Variants in NOM1 observed in about 807,000 individuals in gnomAD.
The protein encoded by NOM1 is nucleolar MIF4G domain-containing protein 1.
In NOM1, 58 loss-of-function variants were observed where a neutral mutation model predicts 73.3. That is an observed-to-expected ratio of 0.79 (90% CI 0.64 to 0.99). NOM1 has a LOEUF of 0.99. Ranked by LOEUF, NOM1 falls within the 50% of genes least tolerant of loss-of-function variation. The pLI is 0.00. For missense variants in NOM1, 1,226 were observed against 1,131.9 expected, an observed-to-expected ratio of 1.08 and a Z score of -1.19; for synonymous variants, 487 against 446.8, an observed-to-expected ratio of 1.09 and a Z score of -1.14.
At position 156,949,915 on chromosome 7, in the gene NOM1, G is replaced by A. The variant is rs1249692820; in HGVS notation, c.178G>A (p.Glu60Lys). 1 of 1,540,934 alleles carries A rather than the reference G, an allele frequency of 6.5e-7. No individual in the cohort carries two copies. Among genetic ancestry groups the A allele is most frequent in the East Asian group, 2.5e-5 (1 of 40,788 alleles). The change falls in exon 1 of 11, where the codon GAG (glutamate) becomes AAG (lysine). Residue 60 changes from glutamate to lysine, a missense_variant. Physicochemically the swap from Glu to Lys is moderately conservative, Grantham distance 56. Coordinates refer to ENST00000275820, the MANE Select transcript of NOM1 (RefSeq NM_138400.2). Reference protein sequence around the residue: ...EEFVHATSEGEAPGGCEGRGA... With the variant: ...EEFVHATSEGKAPGGCEGRGA... The stretch of plus-strand genomic sequence containing the variant: ...GTTCGTGCACGCGACTTCGGAAGGC[G>A]AGGCTCCCGGGGGTTGCGAGGGGCG...
At chr7:156,953,138 T>TTGAGA (rs1468037002) in intron 2 of NOM1, among the ~76,000 whole-genome samples, 1 of 148,222 alleles carries the variant, frequency 6.7e-6, no homozygotes, top group Non-Finnish European at 1.5e-5. Context: ...TTGTTTTGTT[T>TTGAGA]TGAGATGGAG....
At chr7:156,966,748 T>G (rs1311486034) in intron 8 of NOM1, among the ~76,000 whole-genome samples, 4 of 151,756 alleles carry the variant, frequency 2.6e-5, no homozygotes, top group African/African-American at 9.7e-5. Flanking sequence ...ATCTGCTGAT[T>G]TGGGGGGAAG....
At chr7:156,957,644 A>G (rs1450698429) in intron 3 of NOM1, among the ~76,000 whole-genome samples, 2 of 152,004 alleles carry the variant, frequency 1.3e-5, no homozygotes, top group Admixed American at 6.6e-5. Context: ...GCATGGTGGC[A>G]GGTGCCTATA....
chr7:156,956,098 C>T (rs1360444347), intron 3 of NOM1, among the ~76,000 whole-genome samples: 1 of 151,628 alleles, frequency 6.6e-6, no homozygotes, highest in African/African-American at 2.4e-5. Context: ...GAGACTGAGG[C>T]AGGAGAATGG....
rs566943647 is a variant in NOM1, at chr7:156,969,179, C to G, written c.2391C>G (p.Leu797=). Reference sequence around the variant, plus strand: ...TAATGGAAACAGAAGTTGAAGACCTCAGTTTAATTTTCACAAGGTATGTGC... The same window carrying G: ...TAATGGAAACAGAAGTTGAAGACCTGAGTTTAATTTTCACAAGGTATGTGC... ...ILLMETEVED[L]SLIFTRVSDN... Residue 797 remains leucine (L), a synonymous_variant, in exon 10 of 11, where the codon CTC becomes CTG. Transcript: ENST00000275820. 3.7e-5 allele frequency: 58 copies of G among 1,558,640 alleles called. No individual in the cohort carries two copies. In the South Asian group the frequency reaches 6.2e-4, roughly 17 times the overall value.
chr7:156,966,268 A>G lies in NOM1; in HGVS notation c.2034-2A>G, dbSNP rs1804992711. ...TCCAGTCATTGCTGTTCTGTTTTCTAGGCTTGGACTTAAGGATCAGCAGGA... is the reference window on the plus strand; with the variant it reads ...TCCAGTCATTGCTGTTCTGTTTTCTGGGCTTGGACTTAAGGATCAGCAGGA... On this transcript the variant is annotated splice_acceptor_variant, in intron 7 of 10. Coordinates refer to ENST00000275820, the MANE Select transcript of NOM1 (RefSeq NM_138400.2). LOFTEE classifies it high-confidence loss of function. The G allele has an allele frequency of 8.7e-6, 14 of 1,613,594 alleles. No homozygotes were observed. Among genetic ancestry groups the G allele is most frequent in the Non-Finnish European group, 1.1e-5 (13 of 1,179,994 alleles).
chr7:156,954,029 T>C, intron 2 of NOM1, 74 bp from the exon 3 acceptor site: 1 of 1,339,212 alleles, frequency 7.5e-7, no homozygotes, highest in Non-Finnish European at 1.0e-6. Context: ...GGATAACTCT[T>C]TAATTTTTTA....
intron 3 of NOM1, 73 bp downstream of exon 3, chr7:156,954,371 T>C (rs1804667684): frequency 7.8e-7 from 1 of 1,287,984 alleles, no homozygotes; most frequent in African/African-American, 1.5e-5. Flanking sequence ...GCTTGATAAG[T>C]GCGTAATTGT....
At chr7:156,952,169 C>T (rs1467001969) in intron 1 of NOM1, among the ~76,000 whole-genome samples, 1 of 152,164 alleles carries the variant, frequency 6.6e-6, no homozygotes, top group African/African-American at 2.4e-5. Flanking sequence ...GTAGATAGGG[C>T]TCTGTTGGAG....
Position 156,969,812 on chromosome 7 carries a change from G to A in NOM1, c.*109G>A, listed in dbSNP as rs1805099318. 9.8e-7 allele frequency: 1 copy of A among 1,015,714 alleles called. No homozygotes were observed. Among genetic ancestry groups the A allele is most frequent in the African/African-American group, 1.6e-5 (1 of 61,126 alleles). 62.9% of individuals were successfully genotyped at this position (1,015,714 alleles called of 1,614,324 possible). On this transcript the variant is annotated 3_prime_UTR_variant, in exon 11 of 11. Coordinates refer to ENST00000275820, the MANE Select transcript of NOM1 (RefSeq NM_138400.2). ...GAATGTTTGGTAGAGCTATATCATT[G>A]TCTGTTAATGTATTATATTTTGAGA...
rs1189118656 is a variant in NOM1 at position 156,971,122 on chromosome 7, C to T, written c.*1419C>T. The T allele has an allele frequency of 6.6e-6, 1 of 152,190 alleles. No individual in the cohort carries two copies. Among genetic ancestry groups the T allele is most frequent in the African/African-American group, 2.4e-5 (1 of 41,460 alleles). The allele number at this position is 152,190 out of a possible 1,614,324, so 9.4% of individuals were successfully genotyped here. On this transcript the variant is annotated 3_prime_UTR_variant, in exon 11 of 11. Coordinates refer to ENST00000275820, the MANE Select transcript of NOM1 (RefSeq NM_138400.2). ...TAGATAACAGCATGTATTGCAGATA[C>T]CCAAATGTTTATTGTTTTCTCAGCC...
rs1227486906 is a variant in NOM1, at chr7:156,950,743, C to T, written c.987+19C>T. 1 of 1,531,364 alleles carries T rather than the reference C, an allele frequency of 6.5e-7. No homozygotes were observed. Among genetic ancestry groups the T allele is most frequent in the South Asian group, 1.2e-5 (1 of 82,412 alleles). The allele number at this position is 1,531,364 out of a possible 1,614,324, so 94.9% of individuals were successfully genotyped here. ...GGATAAGGTATCGTGTGAACACTCT[C>T]TAGGCCCTCTGGGATTTCCTTCAAA... On this transcript the variant is annotated intron_variant, in intron 1 of 10. Coordinates refer to ENST00000275820, the MANE Select transcript of NOM1 (RefSeq NM_138400.2).
At chr7:156,960,413 G>A (rs537926161) in intron 4 of NOM1, among the ~76,000 whole-genome samples, 4 of 152,080 alleles carry the variant, frequency 2.6e-5, no homozygotes, top group Admixed American at 6.6e-5. Context: ...AATGCTTACC[G>A]AGGAGGCCAC....
Position 156,967,104 on chromosome 7 carries a change from G to A in NOM1, c.2298+12G>A, listed in dbSNP as rs374129394. ...TTTCCATCTTAAAGGTTCGTGTAACGTGTGAAAATATTGAAAGCAATGGAA... is the reference window on the plus strand; with the variant it reads ...TTTCCATCTTAAAGGTTCGTGTAACATGTGAAAATATTGAAAGCAATGGAA... On this transcript the variant is annotated intron_variant, in intron 9 of 10. Transcript: ENST00000275820. 286 of 1,608,910 alleles carry A rather than the reference G, an allele frequency of 1.8e-4. 1 individual carries two copies. Among genetic ancestry groups the A allele is most frequent in the African/African-American group, 2.5e-4 (19 of 74,722 alleles).
intron 7 of NOM1, among the ~76,000 whole-genome samples, chr7:156,964,893 T>C: frequency 6.6e-6 from 1 of 152,202 alleles, no homozygotes; most frequent in Admixed American, 6.5e-5. Flanking sequence ...AGTCAGCGGG[T>C]CTAGCTTATC....
At chr7:156,957,169 G>A (rs563590199) in intron 3 of NOM1, among the ~76,000 whole-genome samples, 1 of 152,330 alleles carries the variant, frequency 6.6e-6, no homozygotes, top group East Asian at 1.9e-4. Context: ...CTGCCAGCGT[G>A]TGATGAGCTT....
chr7:156,963,466 C>T (rs566804410), intron 6 of NOM1: 481 of 491,354 alleles, frequency 9.8e-4, no homozygotes, highest in Non-Finnish European at 1.3e-3. Flanking sequence ...TTGCTGAGAC[C>T]CCTCAGGCTG....
Position 156,949,924 on chromosome 7 carries a change from G to C in NOM1, c.187G>C (p.Gly63Arg). 1.3e-6 allele frequency: 2 copies of C among 1,542,228 alleles called. No individual in the cohort carries two copies. The highest frequency in any genetic ancestry group is 8.7e-7 in the Non-Finnish European group (1 of 1,145,508). Residue 63 changes from glycine (G) to arginine (R), a missense_variant, in exon 1 of 11, where the codon GGG (glycine) becomes CGG (arginine). Gly to Arg is a moderately radical substitution (Grantham distance 125, BLOSUM62 -2). Transcript: ENST00000275820. ...CGCGACTTCGGAAGGCGAGGCTCCC[G>C]GGGGTTGCGAGGGGCGCGGCGCCCC... ...VHATSEGEAP[G>R]GCEGRGAPVS...
In NOM1 at chr7:156,962,209, C is replaced by T; in HGVS notation, c.1691C>T (p.Pro564Leu). The part of the protein sequence containing the change: ...ALKNNDMRKI[P>L]GYDPEPVEKL... The stretch of plus-strand genomic sequence containing the variant: ...AAGAACAATGACATGCGCAAAATTC[C>T]AGGCTATGACCCCGAGCCCGTGGAG... The change falls in exon 5 of 11, where the codon CCA (proline) becomes CTA (leucine). Residue 564 changes from proline (P) to leucine (L), a missense_variant. Physicochemically the swap from Pro to Leu is moderately conservative, Grantham distance 98 (BLOSUM62 -3). Transcript: ENST00000275820. 2 of 1,614,138 alleles carry T rather than the reference C, an allele frequency of 1.2e-6. No individual in the cohort carries two copies. The highest frequency in any genetic ancestry group is 1.7e-6 in the Non-Finnish European group (2 of 1,180,012).
Sources: gnomAD v4.1 joint callset for allele counts (sites outside exome capture counted in the v4.1 genomes callset) on GRCh38, gnomAD v4.1.1 for gene constraint, MANE v1.5 for transcripts, NCBI Gene and HGNC (gene_info 2026-07-23, HGNC 2026-07-21) for gene names.